Variants in HOXA3 observed in about 807,000 individuals in gnomAD.
The protein encoded by HOXA3 is homeobox protein Hox-A3.
Under a neutral mutation model 30.3 loss-of-function variants are expected in HOXA3, and 8 were observed. That is an observed-to-expected ratio of 0.26 (90% CI 0.15 to 0.48). The LOEUF is 0.48. HOXA3 is among the 20% of genes least tolerant of loss of function. The pLI, the probability that HOXA3 is intolerant of heterozygous loss-of-function variation, is 0.99. For synonymous variants in HOXA3, 323 were observed against 273.1 expected, an observed-to-expected ratio of 1.18 and a Z score of -1.80; for missense variants, 653 against 614.4, an observed-to-expected ratio of 1.06 and a Z score of -0.66.
At chr7:27,144,755 C>G (rs1206782901) in intron 1 of HOXA3, among the ~76,000 whole-genome samples, 1 of 152,236 alleles carries the variant, frequency 6.6e-6, no homozygotes, top group Non-Finnish European at 1.5e-5. Flanking sequence ...TTCCACGGCT[C>G]CGAAAGACTC....
At chr7:27,151,638 G>A (rs753705294) in intron 1 of HOXA3, 1 of 456,682 alleles carries the variant, frequency 2.2e-6, no homozygotes, top group South Asian at 1.5e-5. Context: ...CGAAAAACCG[G>A]GCGAAGGGAA....
At chr7:27,151,650 C>G (rs1196455528) in intron 1 of HOXA3, 1 of 456,756 alleles carries the variant, frequency 2.2e-6, no homozygotes, top group African/African-American at 2.0e-5. Flanking sequence ...CGAAGGGAAG[C>G]CGGCAACGAG....
chr7:27,146,253 G>GTA (rs1422952112), intron 1 of HOXA3, among the ~76,000 whole-genome samples: 1 of 83,492 alleles, frequency 1.2e-5, no homozygotes, highest in Non-Finnish European at 2.6e-5. Flanking sequence ...GTGTGTGTTT[G>GTA]TGTGTGTGTG....
intron 2 of HOXA3, among the ~76,000 whole-genome samples, chr7:27,131,600 G>A (rs1424869941): frequency 6.6e-6 from 1 of 152,194 alleles, no homozygotes; most frequent in Non-Finnish European, 1.5e-5. Flanking sequence ...TTGTCGATGT[G>A]AGAGCTAAAT....
At chr7:27,148,695 C>T (rs1782871844) in intron 1 of HOXA3, among the ~76,000 whole-genome samples, 1 of 152,252 alleles carries the variant, frequency 6.6e-6, no homozygotes, top group Non-Finnish European at 1.5e-5. Context: ...AGAGCAGTGG[C>T]CGTGAGACTG....
chr7:27,147,840 T>C, intron 1 of HOXA3: 1 of 1,188,636 alleles, frequency 8.4e-7, no homozygotes, highest in Non-Finnish European at 1.2e-6. Flanking sequence ...TGTTTCTGGA[T>C]GGCCGAACGC....
At position 27,147,786 on chromosome 7, in the gene HOXA3, A is replaced by G. The variant is rs191134834; in HGVS notation, c.-494+4502T>C. On this transcript the variant is annotated intron_variant, in intron 1 of 5. Transcript: ENST00000612286. ...TCTGCAGGACTGTGATTTGTTGTGT[A>G]TTAGTACATCTGGCTATAACTATTA... 3.8e-4 allele frequency: 585 copies of G among 1,554,166 alleles called. 5 individuals carry two copies. In the African/African-American group the frequency reaches 6.9e-3, roughly 18 times the overall value.
At chr7:27,143,221 C>T (rs2128060672) in intron 1 of HOXA3, 1 of 1,610,166 alleles carries the variant, frequency 6.2e-7, no homozygotes, top group East Asian at 2.2e-5. Flanking sequence ...CGGCGTCGGC[C>T]GAGGCGCCGC....
chr7:27,147,590 A>G (rs878913509), intron 1 of HOXA3: 2 of 1,614,200 alleles, frequency 1.2e-6, no homozygotes, highest in South Asian at 2.2e-5. Flanking sequence ...AAACAAGGTG[A>G]GGTGTACGTC....
chr7:27,127,741 G>A (rs59253509), intron 2 of HOXA3, among the ~76,000 whole-genome samples: 27 of 152,254 alleles, frequency 1.8e-4, no homozygotes, highest in African/African-American at 6.5e-4. Flanking sequence ...TAGATCTCTG[G>A]AATCGAGCAG....
At position 27,108,472 on chromosome 7, in the gene HOXA3, A is replaced by G; in HGVS notation, c.775T>C (p.Ser259Pro). The G allele has an allele frequency of 6.2e-7, 1 of 1,614,020 alleles. No homozygotes were observed. Among genetic ancestry groups the G allele is most frequent in the Non-Finnish European group, 8.5e-7 (1 of 1,179,956 alleles). The change falls in exon 6 of 6, where the codon TCG becomes CCG. Residue 259 changes from serine to proline, a missense_variant. Physicochemically the swap from Ser to Pro is moderately conservative, Grantham distance 74 (BLOSUM62 -1). Coordinates refer to ENST00000612286, the MANE Select transcript of HOXA3 (RefSeq NM_153631.3). This position sits in a 1 kb window ranked among gnomAD's most constrained non-coding sequence, Gnocchi z 5.0. ...DQKGKGMLTS[S>P]GGQSPSRSPV... ...CTGCGACTTGGAGACTGGCCCCCCGATGACGTTAGCATGCCCTTGCCCTTC... is the reference window on the plus strand; with the variant it reads ...CTGCGACTTGGAGACTGGCCCCCCGGTGACGTTAGCATGCCCTTGCCCTTC...
chr7:27,130,615 G>A, intron 2 of HOXA3: 9 of 1,553,044 alleles, frequency 5.8e-6, no homozygotes, highest in Non-Finnish European at 7.0e-6. Context: ...CTGGTAGCCG[G>A]GGCCCCCGCC....
At chr7:27,130,278 C>T in intron 2 of HOXA3, 3 of 1,126,850 alleles carry the variant, frequency 2.7e-6, no homozygotes, top group Non-Finnish European at 3.3e-6. Flanking sequence ...GCCGCGGGGC[C>T]GCTGGGGGCA....
intron 2 of HOXA3, among the ~76,000 whole-genome samples, chr7:27,139,069 C>T (rs986302469): frequency 6.6e-6 from 1 of 152,072 alleles, no homozygotes; most frequent in African/African-American, 2.4e-5. Context: ...TTCTGAGGGT[C>T]CTGTGCGTAG....
At position 27,108,132 on chromosome 7, in the gene HOXA3, A is replaced by G; in HGVS notation, c.1115T>C (p.Val372Ala). The change falls in exon 6 of 6, where the codon GTG becomes GCG. Residue 372 changes from valine to alanine, a missense_variant. Around this residue, in one of 3 missense-constraint regions of HOXA3, gnomAD observed 330 missense variants for 274.4 expected, o/e 1.20. Coordinates refer to ENST00000612286, the MANE Select transcript of HOXA3 (RefSeq NM_153631.3). This position sits in a 1 kb window ranked among gnomAD's most constrained non-coding sequence, Gnocchi z 5.0. ...TGGCCCGGAGTTGCTCATGGGCTCC[A>G]CATAGCTGCCCCCCACGAAGACGGG... ...GSPVFVGGSY[V>A]EPMSNSGPAL... 6 of 1,598,660 alleles carry G rather than the reference A, an allele frequency of 3.8e-6. No homozygotes were observed. Among genetic ancestry groups the G allele is most frequent in the Non-Finnish European group, 5.1e-6 (6 of 1,170,216 alleles).
intron 4 of HOXA3, chr7:27,115,900 C>G (rs1292892786): frequency 6.5e-6 from 1 of 152,680 alleles, no homozygotes; most frequent in Non-Finnish European, 1.5e-5. Context: ...TGCTTAAATC[C>G]AAAGGACTGG....
chr7:27,143,756 C>T, intron 1 of HOXA3: 1 of 1,380,954 alleles, frequency 7.2e-7, no homozygotes. Context: ...GGTACGACTT[C>T]GAATCACGTG....
At position 27,118,643 on chromosome 7, in the gene HOXA3, G is replaced by A. The variant is rs1784855297; in HGVS notation, c.-121+3916C>T. On this transcript the variant is annotated intron_variant, in intron 4 of 5. Coordinates refer to ENST00000612286, the MANE Select transcript of HOXA3 (RefSeq NM_153631.3). ...TTCTTTACACACCCTCCAAACACAA[G>A]GGTTACAGCAATGCTATTCACATTT... Among the ~76,000 whole-genome samples the A allele has an allele frequency of 2.0e-5, 3 of 152,278 alleles. No homozygotes were observed. The South Asian group carries it at 6.2e-4, about 32-fold the overall frequency.
At chr7:27,143,250 T>A in intron 1 of HOXA3, 3 of 1,608,862 alleles carry the variant, frequency 1.9e-6, no homozygotes, top group Non-Finnish European at 2.5e-6. Context: ...CTTAGGGAGT[T>A]TTTCCCGCCG....
Sources: allele counts gnomAD v4.1 joint callset (sites outside exome capture counted in the v4.1 genomes callset), GRCh38; gene constraint gnomAD v4.1.1; regional missense constraint gnomAD v4.1.1; non-coding constraint Gnocchi (gnomAD v3.1); transcripts MANE v1.5; gene names NCBI Gene and HGNC (gene_info 2026-07-23, HGNC 2026-07-21).